The following C10orf88 variants were observed in gnomAD, a reference collection of about 807,000 sequenced individuals.
C10orf88 encodes the protein chromosome 10 open reading frame 88, also known as ATPase PAAT.
In C10orf88, 29 loss-of-function variants were observed where a neutral mutation model predicts 34.2. That is an observed-to-expected ratio of 0.85 (90% CI 0.63 to 1.16). The LOEUF (loss-of-function observed/expected upper bound fraction) is 1.16, where lower values mean the gene tolerates loss of function less well. Among genes scored for constraint, C10orf88 ranks in the 50% most tolerant of loss-of-function variants. The pLI is 0.00. For synonymous variants in C10orf88, 194 were observed against 197.4 expected (o/e 0.98, Z 0.15); for missense variants, 507 against 533.2 (o/e 0.95, Z 0.48).
chr10:122,952,672 T>A (rs370612603), intron 2 of C10orf88, among the ~76,000 whole-genome samples, 157 bp downstream of exon 2: 1 of 152,250 alleles, frequency 6.6e-6, no homozygotes, highest in Non-Finnish European at 1.5e-5. Flanking sequence ...TCTTTTAAGA[T>A]CTCTAAAGTT....
chr10:122,945,666 C>CA (rs2133334065), intron 4 of C10orf88, among the ~76,000 whole-genome samples: 1 of 151,702 alleles, frequency 6.6e-6, no homozygotes, highest in East Asian at 1.9e-4. Context: ...AAATTAAATA[C>CA]AAAAAAAGCT....
rs114512281 is a variant in C10orf88 at position 122,940,959 on chromosome 10, C to T, written c.649-2800G>A. ...TGTATAACTACATATATTCTGTATA[C>T]ACACAATAGAGATTTCTGAAAAAAT... On this transcript the variant is annotated intron_variant, in intron 4 of 5. Transcript: ENST00000481909. Among the ~76,000 whole-genome samples, 745 of 152,030 alleles carry T rather than the reference C, an allele frequency of 4.9e-3. 6 individuals carry two copies. The highest frequency in any genetic ancestry group is 0.017 in the African/African-American group (720 of 41,492).
chr10:122,943,228 C>T, intron 4 of C10orf88, among the ~76,000 whole-genome samples: 4 of 134,756 alleles, frequency 3.0e-5, no homozygotes. Flanking sequence ...CGCATATCTA[C>T]AACTATCTGA....
chr10:122,941,412 C>A (rs1210919279), intron 4 of C10orf88, among the ~76,000 whole-genome samples: 1 of 152,084 alleles, frequency 6.6e-6, no homozygotes, highest in Non-Finnish European at 1.5e-5. Context: ...ATCAAACTTT[C>A]GAGAAAACAA....
intron 4 of C10orf88, among the ~76,000 whole-genome samples, chr10:122,946,354 C>T (rs754214273): frequency 4.6e-5 from 7 of 152,118 alleles, no homozygotes; most frequent in Non-Finnish European, 1.0e-4. Flanking sequence ...TACAGTACCT[C>T]TTCTATGTTT....
At chr10:122,939,803 T>C (rs1371733833) in intron 4 of C10orf88, among the ~76,000 whole-genome samples, 1 of 151,910 alleles carries the variant, frequency 6.6e-6, no homozygotes, top group Non-Finnish European at 1.5e-5. Flanking sequence ...ACAGTCAATG[T>C]CAAAAGTATG....
At chr10:122,942,937 T>C (rs1448296349) in intron 4 of C10orf88, among the ~76,000 whole-genome samples, 14 of 147,376 alleles carry the variant, frequency 9.5e-5, no homozygotes, top group African/African-American at 3.5e-4. Flanking sequence ...ATCGTGAAAA[T>C]GGCCATACTG....
At chr10:122,940,310 CAGA>C (rs1848570804) in intron 4 of C10orf88, among the ~76,000 whole-genome samples, 1 of 151,980 alleles carries the variant, frequency 6.6e-6, no homozygotes, top group South Asian at 2.1e-4. Context: ...AAGCCAGGCA[CAGA>C]AGAATAAATA....
intron 4 of C10orf88, among the ~76,000 whole-genome samples, chr10:122,943,803 C>T (rs1201302388): frequency 4.6e-5 from 7 of 152,086 alleles, no homozygotes; most frequent in East Asian, 1.9e-4. Context: ...ATCAGAGAAA[C>T]GCAAATCAAA....
At chr10:122,953,547 T>C (rs1236649995) in intron 1 of C10orf88, among the ~76,000 whole-genome samples, 4 of 152,162 alleles carry the variant, frequency 2.6e-5, no homozygotes, top group African/African-American at 7.2e-5. Flanking sequence ...TCCCCTGCAA[T>C]TGACTCTCGG....
chr10:122,932,742 T>C (rs1015148277), intron 5 of C10orf88, 81 bp from the exon 6 acceptor site: 88 of 952,622 alleles, frequency 9.2e-5, no homozygotes, highest in Admixed American at 4.4e-4. Context: ...AGCCAACATA[T>C]ATTGCTGAGA....
At chr10:122,943,721 A>G (rs1214879601) in intron 4 of C10orf88, among the ~76,000 whole-genome samples, 5 of 152,048 alleles carry the variant, frequency 3.3e-5, no homozygotes, top group Admixed American at 1.3e-4. Context: ...AAAGGACATG[A>G]ACAGACACTT....
intron 1 of C10orf88, among the ~76,000 whole-genome samples, chr10:122,953,343 C>CT (rs1212372371): frequency 1.3e-5 from 2 of 152,170 alleles, no homozygotes; most frequent in Non-Finnish European, 2.9e-5. Context: ...TCCCAAAGTG[C>CT]TGGGATTACA....
chr10:122,939,568 C>T (rs1443111315), intron 4 of C10orf88, among the ~76,000 whole-genome samples: 1 of 151,752 alleles, frequency 6.6e-6, no homozygotes, highest in Non-Finnish European at 1.5e-5. Context: ...GTAAGTTTAT[C>T]TTGTTTTATA....
chr10:122,948,362 A>G (rs1054673062), intron 4 of C10orf88, among the ~76,000 whole-genome samples: 2 of 152,162 alleles, frequency 1.3e-5, no homozygotes, highest in Admixed American at 6.5e-5. Context: ...TAAAGACTAC[A>G]GATTAACTGA....
chr10:122,938,235 G>T, intron 4 of C10orf88, 76 bp from the exon 5 acceptor site: 1 of 1,186,904 alleles, frequency 8.4e-7, no homozygotes, highest in Non-Finnish European at 1.2e-6. Context: ...CTATGAGTCA[G>T]GCACTGTGCA....
intron 4 of C10orf88, among the ~76,000 whole-genome samples, chr10:122,940,132 A>C (rs1848569550): frequency 6.6e-6 from 1 of 152,042 alleles, no homozygotes; most frequent in Non-Finnish European, 1.5e-5. Context: ...CACAACCGCC[A>C]AGATACAGAA....
chr10:122,940,655 T>C (rs1417643992), intron 4 of C10orf88, among the ~76,000 whole-genome samples: 1 of 152,082 alleles, frequency 6.6e-6, no homozygotes, highest in Non-Finnish European at 1.5e-5. Flanking sequence ...AATTCAGATA[T>C]GTCTACATGC....
In C10orf88 at chr10:122,932,290, G is replaced by A. The variant is rs866402676; in HGVS notation, c.*137C>T. ...TTAAAATAACAAGTGTAGTAAAAAC[G>A]AAAACTGAGGTCACTTTGTGTAAGA... On this transcript the variant is annotated 3_prime_UTR_variant, in exon 6 of 6. Transcript: ENST00000481909. 24 of 692,602 alleles carry A rather than the reference G, an allele frequency of 3.5e-5. No homozygotes were observed. The highest frequency in any genetic ancestry group is 4.7e-5 in the South Asian group (2 of 42,744). The allele number at this position is 692,602 out of a possible 1,614,324, so 42.9% of individuals were successfully genotyped here. A position where few individuals can be genotyped will look rare whatever the true frequency, so the allele number is the denominator to read the frequency against.
Sources: gnomAD v4.1 joint callset for allele counts (sites outside exome capture counted in the v4.1 genomes callset) on GRCh38, gnomAD v4.1.1 for gene constraint, MANE v1.5 for transcripts, NCBI Gene and HGNC (gene_info 2026-07-23, HGNC 2026-07-21) for gene names.